XKR4: variants seen among roughly 807,000 people sequenced by gnomAD.
The protein encoded by XKR4 is XK related 4, also known as XK-related protein 4.
In XKR4, 12 loss-of-function variants were observed where a neutral mutation model predicts 53.9. The ratio of observed to expected loss-of-function variants is 0.22; its 90% CI spans 0.14 to 0.36. The LOEUF (loss-of-function observed/expected upper bound fraction) is 0.36, where lower values mean the gene tolerates loss of function less well. Among genes scored for constraint, XKR4 ranks in the 10% least tolerant of loss-of-function variants. The pLI, the probability that XKR4 is intolerant of heterozygous loss-of-function variation, is 1.00. For missense variants in XKR4, 799 were observed against 859.5 expected (o/e 0.93, Z 0.88); for synonymous variants, 354 against 362.4 (o/e 0.98, Z 0.26).
chr8:55,491,626 GT>G (rs1806273596), intron 2 of XKR4, among the ~76,000 whole-genome samples: 2 of 2,826 alleles, frequency 7.1e-4, no homozygotes, highest in Admixed American at 5.1e-3. Flanking sequence ...GTCTTTGGGG[GT>G]TTGTTTGTTT....
Position 55,457,234 on chromosome 8 carries a change from G to A in XKR4, c.1007-66047G>A, listed in dbSNP as rs148007753. Among the ~76,000 whole-genome samples, 161 of 146,560 alleles carry A rather than the reference G, an allele frequency of 1.1e-3. 1 individual carries two copies. The highest frequency in any genetic ancestry group is 2.9e-3 in the African/African-American group (117 of 40,066). ...CTCTGCTCATTGCAAGTTCTGCCTC[G>A]CAGGTTCACGCCATTCTCCTGCCTC... On this transcript the variant is annotated intron_variant, in intron 2 of 2. Transcript: ENST00000327381.
chr8:55,134,507 C>G (rs1816597709), intron 1 of XKR4, among the ~76,000 whole-genome samples: 1 of 152,218 alleles, frequency 6.6e-6, no homozygotes, highest in African/African-American at 2.4e-5. Context: ...TACGTTCATT[C>G]ATGCATTCAC....
intron 1 of XKR4, among the ~76,000 whole-genome samples, chr8:55,267,733 T>G (rs1454438699): frequency 6.6e-6 from 1 of 152,164 alleles, no homozygotes; most frequent in African/African-American, 2.4e-5. Flanking sequence ...AATTTTACAA[T>G]TGACAAAAGA....
intron 2 of XKR4, among the ~76,000 whole-genome samples, chr8:55,394,111 T>C (rs1207182806): frequency 1.3e-5 from 2 of 152,232 alleles, no homozygotes; most frequent in Non-Finnish European, 2.9e-5. Flanking sequence ...AAAACTCAAC[T>C]GCTTTTTTGA....
intron 1 of XKR4, among the ~76,000 whole-genome samples, chr8:55,199,879 C>G (rs887089296): frequency 5.9e-5 from 9 of 152,146 alleles, no homozygotes; most frequent in African/African-American, 1.9e-4. Flanking sequence ...TGGGTAGGTA[C>G]TATTATTTTC....
At chr8:55,371,078 C>T (rs530026819) in intron 2 of XKR4, among the ~76,000 whole-genome samples, 2 of 149,722 alleles carry the variant, frequency 1.3e-5, no homozygotes, top group East Asian at 3.9e-4. Context: ...AGAGCAATCT[C>T]GTATGCAAAA....
intron 1 of XKR4, among the ~76,000 whole-genome samples, chr8:55,153,289 A>C (rs1046077486): frequency 1.3e-5 from 2 of 152,216 alleles, no homozygotes; most frequent in Non-Finnish European, 2.9e-5. Flanking sequence ...AACATCAAAA[A>C]ATAGACATTT....
At chr8:55,469,968 G>T (rs1805847625) in intron 2 of XKR4, among the ~76,000 whole-genome samples, 1 of 152,062 alleles carries the variant, frequency 6.6e-6, no homozygotes, top group Non-Finnish European at 1.5e-5. Context: ...ATGCAGTCTT[G>T]GAGAAGGAAT....
rs559289328 is a variant in XKR4, at chr8:55,293,829, G to T, written c.807-63849G>T. On this transcript the variant is annotated intron_variant, in intron 1 of 2. Coordinates refer to ENST00000327381, the MANE Select transcript of XKR4 (RefSeq NM_052898.2). ...TGACTCATTCTGTCATAATTAATTT[G>T]ATATAGTGAATCTAGACTCATAGTT... Among the ~76,000 whole-genome samples the T allele has an allele frequency of 9.5e-4, 144 of 152,264 alleles. 1 individual carries two copies. The highest frequency in any genetic ancestry group is 3.3e-3 in the African/African-American group (139 of 41,558).
Position 55,524,816 on chromosome 8 carries a change from C to G in XKR4, c.*589C>G, listed in dbSNP as rs534270566. The stretch of plus-strand genomic sequence containing the variant: ...ATGTGTGAAAATCCTATCCAACGGA[C>G]AGCAAACCCAAATGTTGTCTACACA... On this transcript the variant is annotated 3_prime_UTR_variant, in exon 3 of 3. Coordinates refer to ENST00000327381, the MANE Select transcript of XKR4 (RefSeq NM_052898.2). The G allele has an allele frequency of 6.5e-6, 1 of 152,916 alleles. No individual in the cohort carries two copies. Among genetic ancestry groups the G allele is most frequent in the Non-Finnish European group, 1.5e-5 (1 of 68,224 alleles). The allele number at this position is 152,916 out of a possible 1,614,324, so 9.5% of individuals were successfully genotyped here.
chr8:55,117,589 G>A (rs1816328337), intron 1 of XKR4, among the ~76,000 whole-genome samples: 1 of 152,168 alleles, frequency 6.6e-6, no homozygotes, highest in African/African-American at 2.4e-5. Context: ...GGCTCCCAGG[G>A]TAGGTATTAT....
At chr8:55,437,666 G>A (rs1161099744) in intron 2 of XKR4, among the ~76,000 whole-genome samples, 2 of 152,170 alleles carry the variant, frequency 1.3e-5, no homozygotes, top group African/African-American at 4.8e-5. Flanking sequence ...TACATACATA[G>A]TTTTATTTAT....
At chr8:55,389,919 G>A (rs1181641659) in intron 2 of XKR4, among the ~76,000 whole-genome samples, 1 of 152,048 alleles carries the variant, frequency 6.6e-6, no homozygotes, top group Admixed American at 6.5e-5. Context: ...CCCCCTCTCT[G>A]ACCCAAGACT....
intron 1 of XKR4, among the ~76,000 whole-genome samples, chr8:55,244,314 G>A (rs1818252946): frequency 6.6e-6 from 1 of 152,138 alleles, no homozygotes; most frequent in African/African-American, 2.4e-5. Context: ...GAGAACATGT[G>A]GTATTTGGTT....
chr8:55,428,097 T>C (rs1213331921), intron 2 of XKR4, among the ~76,000 whole-genome samples: 1 of 152,226 alleles, frequency 6.6e-6, no homozygotes, highest in Non-Finnish European at 1.5e-5. Flanking sequence ...AAAATATTTG[T>C]AGGACTTCTG....
intron 2 of XKR4, among the ~76,000 whole-genome samples, chr8:55,437,213 ATTTATT>A (rs150442909): frequency 6.6e-6 from 1 of 152,006 alleles, no homozygotes; most frequent in African/African-American, 2.4e-5. Context: ...ATTCTTTTTA[ATTTATT>A]TTTATTTTTC....
chr8:55,375,131 A>G (rs943449879), intron 2 of XKR4, among the ~76,000 whole-genome samples: 11 of 152,358 alleles, frequency 7.2e-5, no homozygotes, highest in Middle Eastern at 3.4e-3. Context: ...CTGTCTTCAC[A>G]CAGCGTGTGG....
intron 1 of XKR4, among the ~76,000 whole-genome samples, chr8:55,295,272 G>A (rs919902634): frequency 7.2e-5 from 11 of 152,084 alleles, no homozygotes; most frequent in South Asian, 2.1e-4. Context: ...TGAGAAAGAC[G>A]GAAAAGTATT....
At chr8:55,140,619 A>G (rs961474220) in intron 1 of XKR4, among the ~76,000 whole-genome samples, 3 of 152,188 alleles carry the variant, frequency 2.0e-5, no homozygotes, top group Non-Finnish European at 4.4e-5. Context: ...TGTTGTTCAT[A>G]TTGGAATGGA....
Sources: allele counts gnomAD v4.1 joint callset (sites outside exome capture counted in the v4.1 genomes callset), GRCh38; gene constraint gnomAD v4.1.1; transcripts MANE v1.5; gene names NCBI Gene and HGNC (gene_info 2026-07-23, HGNC 2026-07-21).